The following DYNC2I2 variants were observed in gnomAD, a reference collection of about 807,000 sequenced individuals.
DYNC2I2 encodes cytoplasmic dynein 2 intermediate chain 2.
A neutral mutation model predicts 52.0 loss-of-function variants in DYNC2I2; 39 were observed. The ratio of observed to expected loss-of-function variants is 0.75; its 90% CI spans 0.58 to 0.98. DYNC2I2 has a LOEUF of 0.98. Ranked by LOEUF, DYNC2I2 falls within the 50% of genes least tolerant of loss-of-function variation. DYNC2I2 has a pLI of 0.00. For missense variants in DYNC2I2, 743 were observed against 728.4 expected (o/e 1.02, Z -0.23); for synonymous variants, 359 against 321.1 (o/e 1.12, Z -1.26).
chr9:128,683,859 G>C, the DYNC2I2 span: 1 of 1,515,688 alleles, frequency 6.6e-7, no homozygotes, highest in South Asian at 1.2e-5. Context: ...GACGGGCGAG[G>C]AGACTCGTGG....
At chr9:128,636,883 G>A in intron 3 of DYNC2I2, 35 bp downstream of exon 3, 1 of 1,542,622 alleles carries the variant, frequency 6.5e-7, no homozygotes. Context: ...TCCTGGGGTG[G>A]CGAGCTGCCC....
At position 128,636,351 on chromosome 9, in the gene DYNC2I2, C is replaced by A; in HGVS notation, c.633G>T (p.Ser211=). ...CAGCGCTGGGGACCTCCACCACGGC[C>A]GACGGCTGCTGGGGACGCAGGTCTC... ...DRRDLRPQQP[S]AVVEVPSAVL... Residue 211 remains serine (S), a synonymous_variant, in exon 4 of 9, where the codon TCG becomes TCT. Transcript: ENST00000372715. 1 of 1,606,868 alleles carries A rather than the reference C, an allele frequency of 6.2e-7. No homozygotes were observed. The highest frequency in any genetic ancestry group is 1.3e-5 in the African/African-American group (1 of 74,918).
In DYNC2I2 at chr9:128,633,705, T is replaced by C. The variant is rs761497374; in HGVS notation, c.*39A>G. On this transcript the variant is annotated 3_prime_UTR_variant, in exon 9 of 9. Coordinates refer to ENST00000372715, the MANE Select transcript of DYNC2I2 (RefSeq NM_052844.4). ...TTGGCTTGCGTCAGAAACACAAGGC[T>C]CGGCACAGCGAAGGCTTGCACCCGC... The C allele has an allele frequency of 4.0e-5, 64 of 1,582,010 alleles. No homozygotes were observed. The highest frequency in any genetic ancestry group is 5.4e-5 in the Non-Finnish European group (63 of 1,162,378).
chr9:128,655,779 C>T (rs1490945798), intron 1 of DYNC2I2, among the ~76,000 whole-genome samples: 1 of 151,228 alleles, frequency 6.6e-6, no homozygotes, highest in Non-Finnish European at 1.5e-5. Flanking sequence ...GGCGTGCTGG[C>T]GGCCGCCTGT....
At chr9:128,640,211 C>T (rs1009500420) in intron 2 of DYNC2I2, among the ~76,000 whole-genome samples, 4 of 151,188 alleles carry the variant, frequency 2.6e-5, no homozygotes, top group East Asian at 2.0e-4. Flanking sequence ...GGGGTTTCAC[C>T]GTGTTAGCCA....
Position 128,650,796 on chromosome 9 carries a change from A to G in DYNC2I2, c.186+5745T>C, listed in dbSNP as rs192025002. 1.2e-3 allele frequency among the ~76,000 whole-genome samples: 66 copies of G among 56,694 alleles called. 19 individuals carry two copies. The East Asian group carries it at 0.016, about 14-fold the overall frequency. 37.2% of individuals were successfully genotyped at this position (56,694 alleles called of 152,430 possible). A position where few individuals can be genotyped will look rare whatever the true frequency, so the allele number is the denominator to read the frequency against. The stretch of plus-strand genomic sequence containing the variant: ...GGTGATCCACCCACCTCAGCCTCCC[A>G]AAGTGCTGGAATTACAGGCGTGAGC... On this transcript the variant is annotated intron_variant, in intron 1 of 8. Transcript: ENST00000372715.
At chr9:128,680,334 T>G in the DYNC2I2 span, among the ~76,000 whole-genome samples, 2 of 151,952 alleles carry the variant, frequency 1.3e-5, no homozygotes, top group African/African-American at 4.8e-5. Flanking sequence ...GTGCTGGGAT[T>G]ACAGGCATGA....
In DYNC2I2 at chr9:128,656,747, G is replaced by A; in HGVS notation, c.-21C>T. 2.2e-6 allele frequency: 3 copies of A among 1,350,416 alleles called. No homozygotes were observed. The highest frequency in any genetic ancestry group is 1.8e-5 in the South Asian group (1 of 54,490). 83.7% of individuals were successfully genotyped at this position (1,350,416 alleles called of 1,614,324 possible). ...GCCATGGAGACGGTTCCGCCCTCTC[G>A]TGCGGACGCACTCAGGCGCGACCTC... On this transcript the variant is annotated 5_prime_UTR_variant, in exon 1 of 9. It adds an upstream start codon to the 5' untranslated region. Coordinates refer to ENST00000372715, the MANE Select transcript of DYNC2I2 (RefSeq NM_052844.4).
upstream of DYNC2I2, among the ~76,000 whole-genome samples, chr9:128,659,961 C>A (rs939160185): frequency 2.0e-5 from 3 of 150,206 alleles, no homozygotes; most frequent in Non-Finnish European, 4.4e-5. Flanking sequence ...CCCAGTTACT[C>A]TGGAGGCTTA....
the DYNC2I2 span, among the ~76,000 whole-genome samples, chr9:128,677,524 C>G: frequency 6.6e-6 from 1 of 151,762 alleles, no homozygotes; most frequent in Admixed American, 6.6e-5. Flanking sequence ...AGGCTAGGCA[C>G]AGTGGCTCAT....
chr9:128,635,040 AC>A, intron 6 of DYNC2I2, 51 bp downstream of exon 6: 1 of 1,584,938 alleles, frequency 6.3e-7, no homozygotes, highest in Non-Finnish European at 8.6e-7. Context: ...ACACCTTCCC[AC>A]CCCCAAGGCT....
rs764215152 is a variant in DYNC2I2, at chr9:128,636,918, C to T, written c.545G>A (p.Arg182Gln). 5.0e-6 allele frequency: 8 copies of T among 1,610,034 alleles called. No individual in the cohort carries two copies. The highest frequency in any genetic ancestry group is 2.7e-5 in the African/African-American group (2 of 74,882). ...CCTCACCTGCCCCGCTGCCACTCAC[C>T]GGCCGTAGGCACAGGCCACCACAGA... is the stretch of plus-strand genomic sequence containing the variant. ...TGSVVACAYG[R>Q]LDHGDWSTLK... The change falls in exon 3 of 9, where the codon CGG becomes CAG. Residue 182 changes from arginine (R) to glutamine (Q), a missense_variant and splice_region_variant. By Grantham distance (43) the Arg-to-Gln change is conservative. Coordinates refer to ENST00000372715, the MANE Select transcript of DYNC2I2 (RefSeq NM_052844.4).
chr9:128,665,831 G>A, the DYNC2I2 span, among the ~76,000 whole-genome samples: 1 of 149,334 alleles, frequency 6.7e-6, no homozygotes, highest in African/African-American at 2.5e-5. Flanking sequence ...CCAACACTTT[G>A]GGAGGCTGAG....
chr9:128,665,164 G>T, the DYNC2I2 span, among the ~76,000 whole-genome samples: 2 of 149,824 alleles, frequency 1.3e-5, no homozygotes, highest in Admixed American at 1.3e-4. Flanking sequence ...ACAATTCTCC[G>T]GCCTCAGCCT....
intron 2 of DYNC2I2, among the ~76,000 whole-genome samples, chr9:128,640,141 A>G (rs891729274): frequency 2.6e-5 from 4 of 151,640 alleles, no homozygotes; most frequent in African/African-American, 9.7e-5. Context: ...CAGAGTAGCT[A>G]GGACTATAGG....
At position 128,649,306 on chromosome 9, in the gene DYNC2I2, C is replaced by T. The variant is rs143326136; in HGVS notation, c.186+7235G>A. ...CAGAATTTTCCAAATTAGCCAGGCGCGATGGTGTGCACCTGTAGTTCTTTC... is the reference window on the plus strand; with the variant it reads ...CAGAATTTTCCAAATTAGCCAGGCGTGATGGTGTGCACCTGTAGTTCTTTC... On this transcript the variant is annotated intron_variant, in intron 1 of 8. Coordinates refer to ENST00000372715, the MANE Select transcript of DYNC2I2 (RefSeq NM_052844.4). 5.8e-3 allele frequency among the ~76,000 whole-genome samples: 888 copies of T among 152,038 alleles called. 5 individuals carry two copies. Among genetic ancestry groups the T allele is most frequent in the African/African-American group, 0.02 (834 of 41,458 alleles).
At chr9:128,648,858 G>T (rs1433328830) in intron 1 of DYNC2I2, among the ~76,000 whole-genome samples, 2 of 151,640 alleles carry the variant, frequency 1.3e-5, no homozygotes, top group Admixed American at 1.3e-4. Flanking sequence ...CAGTCCAGAA[G>T]AGGCACTCAC....
At chr9:128,640,632 A>T in intron 2 of DYNC2I2, 59 bp downstream of exon 2, 2 of 1,567,836 alleles carry the variant, frequency 1.3e-6, no homozygotes, top group African/African-American at 2.7e-5. Context: ...GAAGGAAAAC[A>T]AGAGGAGACA....
rs1860325790 is a variant in DYNC2I2, at chr9:128,634,499, C to T, written c.1215-116G>A. ...GGCTCGTGAAGAGCCTCCCGGGTCC[C>T]TCAGCCTGGAGTTGGTCCTCTCATT... On this transcript the variant is annotated intron_variant, in intron 7 of 8. Transcript: ENST00000372715. 2.8e-6 allele frequency: 4 copies of T among 1,409,396 alleles called. No homozygotes were observed. The Admixed American group carries it at 7.7e-5, about 27-fold the overall frequency. The allele number at this position is 1,409,396 out of a possible 1,614,324, so 87.3% of individuals were successfully genotyped here. A position where few individuals can be genotyped will look rare whatever the true frequency, so the allele number is the denominator to read the frequency against.
Sources: allele counts gnomAD v4.1 joint callset (sites outside exome capture counted in the v4.1 genomes callset), GRCh38; gene constraint gnomAD v4.1.1; transcripts MANE v1.5; gene names NCBI Gene and HGNC (gene_info 2026-07-23, HGNC 2026-07-21).